LARP1: variants seen among roughly 807,000 people sequenced by gnomAD.
LARP1 encodes La ribonucleoprotein 1, translational regulator, also known as la-related protein 1.
LARP1 carries 36 observed loss-of-function variants against 122.7 expected under a neutral mutation model. The ratio of observed to expected loss-of-function variants is 0.29; its 90% CI spans 0.22 to 0.39. The LOEUF (loss-of-function observed/expected upper bound fraction) is 0.39. Ranked by LOEUF, LARP1 falls within the 10% of genes least tolerant of loss-of-function variation. LARP1 has a pLI of 1.00. For synonymous variants in LARP1, 539 were observed against 528.7 expected, an observed-to-expected ratio of 1.02 and a Z score of -0.27; for missense variants, 1,040 against 1,403.6, an observed-to-expected ratio of 0.74 and a Z score of 4.14.
intron 1 of LARP1, among the ~76,000 whole-genome samples, chr5:154,691,258 T>G (rs1754188714): frequency 1.3e-5 from 1 of 77,472 alleles, no homozygotes. Flanking sequence ...GGAGACTCCG[T>G]CTCAAAAAAA....
chr5:154,768,259 A>G (rs966542400), intron 1 of LARP1, among the ~76,000 whole-genome samples: 1 of 152,214 alleles, frequency 6.6e-6, no homozygotes, highest in Non-Finnish European at 1.5e-5. Flanking sequence ...TGCAGCTACA[A>G]GTTGGCAAAA....
chr5:154,694,957 C>T (rs7443289), intron 1 of LARP1, among the ~76,000 whole-genome samples: 7,718 of 152,188 alleles, frequency 0.051, 308 homozygotes, highest in Admixed American at 0.11. Context: ...CTGCCTCAGC[C>T]TCCCAAAGTG....
In LARP1 at chr5:154,770,673, G is replaced by T. The variant is rs532561885; in HGVS notation, c.436+14480G>T. ...TGACTTCTTGTCAGGAACTGCTGTGGGTTTTTGATTTCAGGTAAGATCCTT... is the reference window on the plus strand; with the variant it reads ...TGACTTCTTGTCAGGAACTGCTGTGTGTTTTTGATTTCAGGTAAGATCCTT... On this transcript the variant is annotated intron_variant, in intron 1 of 18. Coordinates refer to ENST00000518297, the MANE Select transcript of LARP1 (RefSeq NM_033551.3). Among the ~76,000 whole-genome samples, 3 of 152,232 alleles carry T rather than the reference G, an allele frequency of 2.0e-5. No individual in the cohort carries two copies. In the South Asian group the frequency reaches 6.2e-4, roughly 32 times the overall value.
intron 1 of LARP1, among the ~76,000 whole-genome samples, chr5:154,705,018 T>C (rs1279650054): frequency 1.3e-5 from 2 of 149,090 alleles, no homozygotes; most frequent in East Asian, 2.0e-4. Flanking sequence ...CTCAGGAGGC[T>C]GAGGAAGGAG....
At chr5:154,780,325 T>G (rs1756319543) in intron 1 of LARP1, among the ~76,000 whole-genome samples, 1 of 152,212 alleles carries the variant, frequency 6.6e-6, no homozygotes, top group Non-Finnish European at 1.5e-5. Context: ...TCAGAGCCAC[T>G]TCAAAGCACC....
intron 1 of LARP1, among the ~76,000 whole-genome samples, chr5:154,769,129 G>A (rs1483677237): frequency 6.6e-6 from 1 of 152,250 alleles, no homozygotes; most frequent in Admixed American, 6.5e-5. Flanking sequence ...ATGAGCCACT[G>A]CCCCTGGCCA....
chr5:154,751,557 AT>A (rs1753490804), upstream of LARP1, among the ~76,000 whole-genome samples: 2 of 152,162 alleles, frequency 1.3e-5, no homozygotes, highest in Admixed American at 1.3e-4. Context: ...TCATTACTAA[AT>A]GGTCATTACT....
chr5:154,772,740 T>A (rs1247728396), intron 1 of LARP1, among the ~76,000 whole-genome samples: 1 of 152,136 alleles, frequency 6.6e-6, no homozygotes, highest in African/African-American at 2.4e-5. Context: ...CGGGCTGGAG[T>A]GCAATGGCAT....
chr5:154,766,762 C>T lies in LARP1; in HGVS notation c.436+10569C>T, dbSNP rs958320937. Among the ~76,000 whole-genome samples the T allele has an allele frequency of 3.3e-5, 5 of 152,318 alleles. 1 individual carries two copies. The highest frequency in any genetic ancestry group is 3.4e-3 in the Middle Eastern group (1 of 294). On this transcript the variant is annotated intron_variant, in intron 1 of 18. Transcript: ENST00000518297. ...AGAACAGTGGGTTTGCATTTGCCTA[C>T]AGATAGGCTGCTACCCTGAGTTCTT...
chr5:154,771,920 G>A (rs544469228), intron 1 of LARP1, among the ~76,000 whole-genome samples: 7 of 152,196 alleles, frequency 4.6e-5, no homozygotes, highest in Non-Finnish European at 1.0e-4. Flanking sequence ...CAAAGAGGAC[G>A]GAAAATACCC....
Position 154,744,611 on chromosome 5 carries a change from A to G in LARP1, c.205+31481A>G, listed in dbSNP as rs745714257. 2.0e-4 allele frequency among the ~76,000 whole-genome samples: 22 copies of G among 110,644 alleles called. 1 individual carries two copies. The highest frequency in any genetic ancestry group is 1.2e-3 in the Admixed American group (12 of 10,258). 72.6% of individuals were successfully genotyped at this position (110,644 alleles called of 152,430 possible). A position where few individuals can be genotyped will look rare whatever the true frequency, so the allele number is the denominator to read the frequency against. On this transcript the variant is annotated intron_variant, in intron 1 of 18. Coordinates refer to the LARP1 transcript ENST00000336314. ...ATCTGCAGGGGAAAGGGCATTGGAT[A>G]TGCAATTTTTTTTTTTTTTTTTTTT...
chr5:154,755,849 C>T lies in LARP1; in HGVS notation c.92C>T (p.Pro31Leu). ...HGGLVRKKPPPAPEGKGEPGP... is the reference protein window; with the variant it reads ...HGGLVRKKPPLAPEGKGEPGP... Reference sequence around the variant, plus strand: ...GGGCTGGTGAGGAAGAAGCCGCCGCCGGCGCCCGAGGGCAAGGGCGAGCCC... The same window carrying T: ...GGGCTGGTGAGGAAGAAGCCGCCGCTGGCGCCCGAGGGCAAGGGCGAGCCC... The change falls in exon 1 of 19, where the codon CCG becomes CTG. Residue 31 changes from proline to leucine, a missense_variant. Transcript: ENST00000518297. The T allele has an allele frequency of 1.0e-6, 1 of 1,004,852 alleles. No homozygotes were observed. Among genetic ancestry groups the T allele is most frequent in the Non-Finnish European group, 1.2e-6 (1 of 841,350 alleles). 62.2% of individuals were successfully genotyped at this position (1,004,852 alleles called of 1,614,324 possible).
At chr5:154,766,473 T>TA (rs1464670432) in intron 1 of LARP1, among the ~76,000 whole-genome samples, 4 of 152,214 alleles carry the variant, frequency 2.6e-5, no homozygotes, top group Admixed American at 6.5e-5. Context: ...GGCCGAGGTT[T>TA]ATGGGATATC....
At chr5:154,717,398 C>A (rs1403389273) in intron 1 of LARP1, among the ~76,000 whole-genome samples, 1 of 152,212 alleles carries the variant, frequency 6.6e-6, no homozygotes, top group Non-Finnish European at 1.5e-5. Flanking sequence ...CTGGCTTGAA[C>A]TGGCTGTGAC....
intron 1 of LARP1, among the ~76,000 whole-genome samples, chr5:154,772,714 T>C (rs1466168011): frequency 6.6e-6 from 1 of 152,100 alleles, no homozygotes; most frequent in Non-Finnish European, 1.5e-5. Context: ...TGAGATGGAG[T>C]TTTGCTCTTG....
At chr5:154,764,111 C>T (rs1326492006) in intron 1 of LARP1, among the ~76,000 whole-genome samples, 1 of 151,936 alleles carries the variant, frequency 6.6e-6, no homozygotes, top group Non-Finnish European at 1.5e-5. Context: ...GAGTTCAAGA[C>T]CAGCCTGGCC....
Position 154,779,430 on chromosome 5 carries a change from C to T in LARP1, c.437-10895C>T, listed in dbSNP as rs995902944. On this transcript the variant is annotated intron_variant, in intron 1 of 18. Coordinates refer to ENST00000518297, the MANE Select transcript of LARP1 (RefSeq NM_033551.3). The stretch of plus-strand genomic sequence containing the variant: ...GCTGTTAACTGCTGCTCTAACCTGT[C>T]TCTTAACTCCGTGGCATAGTAAATT... 9.3e-4 allele frequency among the ~76,000 whole-genome samples: 141 copies of T among 151,912 alleles called. 1 individual carries two copies. The highest frequency in any genetic ancestry group is 3.2e-3 in the African/African-American group (133 of 41,408).
intron 14 of LARP1, chr5:154,805,281 T>C: frequency 4.0e-6 from 1 of 247,540 alleles, no homozygotes; most frequent in Non-Finnish European, 7.9e-6. Flanking sequence ...AGAATCATCA[T>C]AAAGGTCTTC....
At position 154,809,610 on chromosome 5, in the gene LARP1, G is replaced by A. The variant is rs191888971; in HGVS notation, c.2843+1007G>A. Among the ~76,000 whole-genome samples, 15 of 151,678 alleles carry A rather than the reference G, an allele frequency of 9.9e-5. No homozygotes were observed. In the East Asian group the frequency reaches 1.6e-3, roughly 16 times the overall value. The stretch of plus-strand genomic sequence containing the variant: ...AAATGGACTCATGGGCTCATTCTAC[G>A]TCTAACATGTTTGAACATGTCTTTT... On this transcript the variant is annotated intron_variant, in intron 16 of 18. Transcript: ENST00000518297.
Sources: allele counts gnomAD v4.1 joint callset (sites outside exome capture counted in the v4.1 genomes callset), GRCh38; gene constraint gnomAD v4.1.1; transcripts MANE v1.5; gene names NCBI Gene and HGNC (gene_info 2026-07-23, HGNC 2026-07-21).